ITGB3BP: variants seen among roughly 807,000 people sequenced by gnomAD.
ITGB3BP encodes the protein integrin subunit beta 3 binding protein.
ITGB3BP carries 27 observed loss-of-function variants against 29.1 expected under a neutral mutation model. The observed-to-expected ratio is 0.93, with a 90% CI of 0.68 to 1.28. The LOEUF (loss-of-function observed/expected upper bound fraction) is 1.28, where lower values mean the gene tolerates loss of function less well. Among genes scored for constraint, ITGB3BP ranks in the 50% most tolerant of loss-of-function variants. The pLI is 0.00. For missense variants in ITGB3BP, 192 were observed against 200.2 expected (o/e 0.96, Z 0.25); for synonymous variants, 61 against 61.4 (o/e 0.99, Z 0.03).
At chr1:63,446,998 C>T in intron 7 of ITGB3BP, 142 bp from the exon 8 acceptor site, 1 of 610,622 alleles carries the variant, frequency 1.6e-6, no homozygotes, top group African/African-American at 1.9e-5. Flanking sequence ...AGCTCTAAGG[C>T]TATAAATTCT....
At chr1:63,512,034 C>T (rs1411423642) in intron 1 of ITGB3BP, among the ~76,000 whole-genome samples, 4 of 151,912 alleles carry the variant, frequency 2.6e-5, no homozygotes, top group African/African-American at 9.7e-5. Flanking sequence ...TACAGGTAAC[C>T]TCTCTGTGGG....
intron 2 of ITGB3BP, among the ~76,000 whole-genome samples, chr1:63,502,789 T>G (rs542023089): frequency 3.2e-4 from 49 of 151,940 alleles, no homozygotes; most frequent in African/African-American, 1.1e-3. Flanking sequence ...CTTGCGATAT[T>G]TGCTGAGAAT....
chr1:63,443,677 T>G (rs1389555027), intron 8 of ITGB3BP, among the ~76,000 whole-genome samples: 1 of 151,898 alleles, frequency 6.6e-6, no homozygotes, highest in African/African-American at 2.4e-5. Context: ...ATAGGGACAA[T>G]GATAATCTGG....
chr1:63,520,564 G>A (rs560415000), intron 1 of ITGB3BP, among the ~76,000 whole-genome samples: 1 of 152,216 alleles, frequency 6.6e-6, no homozygotes, highest in African/African-American at 2.4e-5. Flanking sequence ...CTTAAGATAG[G>A]TAATCTCTAA....
At chr1:63,501,067 G>C (rs1570281526) in intron 2 of ITGB3BP, among the ~76,000 whole-genome samples, 2 of 152,274 alleles carry the variant, frequency 1.3e-5, no homozygotes, top group Admixed American at 1.3e-4. Context: ...GGAAAAAATA[G>C]TCGTTTCAGC....
intron 1 of ITGB3BP, among the ~76,000 whole-genome samples, chr1:63,509,802 T>G (rs1646158219): frequency 6.6e-6 from 1 of 152,206 alleles, no homozygotes; most frequent in South Asian, 2.1e-4. Context: ...ACAAACAAAC[T>G]AAAATGCAGA....
At chr1:63,476,307 G>T (rs1645339833) in intron 4 of ITGB3BP, among the ~76,000 whole-genome samples, 1 of 152,008 alleles carries the variant, frequency 6.6e-6, no homozygotes, top group African/African-American at 2.4e-5. Flanking sequence ...GGGACCACAG[G>T]CGCCTGCCAC....
At chr1:63,506,021 C>A (rs950947150) in intron 2 of ITGB3BP, among the ~76,000 whole-genome samples, 4 of 152,166 alleles carry the variant, frequency 2.6e-5, no homozygotes, top group African/African-American at 9.7e-5. Flanking sequence ...CTGTAGATGT[C>A]TATTAGGTCC....
chr1:63,528,449 G>A (rs1311602365), intron 2 of ITGB3BP, among the ~76,000 whole-genome samples: 1 of 151,990 alleles, frequency 6.6e-6, no homozygotes, highest in Admixed American at 6.6e-5. Flanking sequence ...GGTAGTGGGG[G>A]TAGGGGGAGA....
chr1:63,507,210 G>C (rs572001256), intron 2 of ITGB3BP, among the ~76,000 whole-genome samples: 19 of 152,310 alleles, frequency 1.2e-4, no homozygotes, highest in African/African-American at 4.3e-4. Flanking sequence ...GTAGTACCAA[G>C]CTAAATCAAC....
intron 4 of ITGB3BP, among the ~76,000 whole-genome samples, chr1:63,472,754 GAC>G (rs1031886133): frequency 1.4e-4 from 21 of 151,770 alleles, no homozygotes; most frequent in African/African-American, 5.1e-4. Context: ...CGGGATTGCA[GAC>G]AGAGTCTCGT....
chr1:63,498,430 T>A (rs1369214452), intron 2 of ITGB3BP, among the ~76,000 whole-genome samples: 40 of 152,082 alleles, frequency 2.6e-4, no homozygotes, highest in Admixed American at 2.5e-3. Flanking sequence ...TACACAAATA[T>A]GTGTAAATCA....
At chr1:63,494,847 G>C (rs1230424288) in intron 2 of ITGB3BP, among the ~76,000 whole-genome samples, 1 of 152,094 alleles carries the variant, frequency 6.6e-6, no homozygotes, top group African/African-American at 2.4e-5. Flanking sequence ...CTGTCGCCTA[G>C]ACTGAAGTGC....
chr1:63,472,815 C>T (rs1183307528), intron 4 of ITGB3BP, among the ~76,000 whole-genome samples: 3 of 151,840 alleles, frequency 2.0e-5, no homozygotes, highest in Non-Finnish European at 2.9e-5. Flanking sequence ...GGCGTGATCT[C>T]GGCTCGCTAC....
At chr1:63,524,239 C>A (rs563173944), upstream of ITGB3BP, among the ~76,000 whole-genome samples, 2 of 152,240 alleles carry the variant, frequency 1.3e-5, no homozygotes, top group East Asian at 3.9e-4. Context: ...TCCCTTACTT[C>A]TTGAAACAGT....
At chr1:63,457,879 A>G (rs1644957629) in intron 4 of ITGB3BP, 1 of 152,156 alleles carries the variant, frequency 6.6e-6, no homozygotes, top group African/African-American at 2.4e-5. Flanking sequence ...AGCACAACCT[A>G]AGAAATCTGA....
At chr1:63,474,937 CAA>C (rs1645307799) in intron 4 of ITGB3BP, among the ~76,000 whole-genome samples, 1 of 149,988 alleles carries the variant, frequency 6.7e-6, no homozygotes, top group Non-Finnish European at 1.5e-5. Flanking sequence ...AAAACAAAAA[CAA>C]AAACTGATCC....
chr1:63,505,093 C>T (rs969206974), intron 2 of ITGB3BP, among the ~76,000 whole-genome samples: 8 of 152,188 alleles, frequency 5.3e-5, no homozygotes, highest in African/African-American at 1.9e-4. Flanking sequence ...ATGGCACCAG[C>T]TCCTCCTTGT....
At chr1:63,517,492 T>C (rs1358857428) in intron 1 of ITGB3BP, among the ~76,000 whole-genome samples, 1 of 152,080 alleles carries the variant, frequency 6.6e-6, no homozygotes, top group Admixed American at 6.5e-5. Flanking sequence ...GTAGAGGTCT[T>C]GCATGTCTTA....
Sources: allele counts gnomAD v4.1 joint callset (sites outside exome capture counted in the v4.1 genomes callset), GRCh38; gene constraint gnomAD v4.1.1; transcripts MANE v1.5; gene names NCBI Gene and HGNC (gene_info 2026-07-23, HGNC 2026-07-21).